COL22A1: variants seen among roughly 807,000 people sequenced by gnomAD.
COL22A1 encodes collagen alpha-1(XXII) chain.
COL22A1 carries 221 observed loss-of-function variants against 248.9 expected under a neutral mutation model. That is an observed-to-expected ratio of 0.89 (90% CI 0.80 to 0.99). The LOEUF (loss-of-function observed/expected upper bound fraction) is 0.99, where lower values mean the gene tolerates loss of function less well. COL22A1 is among the 50% of genes least tolerant of loss of function. The pLI, the probability that COL22A1 is intolerant of heterozygous loss-of-function variation, is 0.00. For synonymous variants in COL22A1, 891 were observed against 793.4 expected, an observed-to-expected ratio of 1.12 and a Z score of -2.07; for missense variants, 2,240 against 2,179.0, an observed-to-expected ratio of 1.03 and a Z score of -0.56.
intron 2 of COL22A1, among the ~76,000 whole-genome samples, chr8:138,878,896 T>C (rs1017621599): frequency 6.6e-6 from 1 of 151,986 alleles, no homozygotes; most frequent in Non-Finnish European, 1.5e-5. Flanking sequence ...TAGTCCCAGC[T>C]ACTCGGGAGG....
At chr8:138,688,801 A>C in intron 37 of COL22A1, 116 bp downstream of exon 37, 35 of 811,932 alleles carry the variant, frequency 4.3e-5, no homozygotes, top group Non-Finnish European at 6.2e-5. Flanking sequence ...CTACTTAGTA[A>C]ACCCCTTCTG....
chr8:138,678,577 T>TG (rs1554744981), intron 40 of COL22A1, among the ~76,000 whole-genome samples: 2 of 149,866 alleles, frequency 1.3e-5, no homozygotes, highest in Non-Finnish European at 3.0e-5. Flanking sequence ...ATAGAGGGAG[T>TG]AAAAAAAAAA....
At chr8:138,689,757 A>C (rs771656706) in intron 36 of COL22A1, among the ~76,000 whole-genome samples, 1 of 152,212 alleles carries the variant, frequency 6.6e-6, no homozygotes, top group Non-Finnish European at 1.5e-5. Flanking sequence ...GAGAACAGGC[A>C]GCAAGAAATA....
chr8:138,650,236 T>C (rs939419191), intron 45 of COL22A1, among the ~76,000 whole-genome samples: 1 of 152,152 alleles, frequency 6.6e-6, no homozygotes, highest in Non-Finnish European at 1.5e-5. Flanking sequence ...GTCAAGTGGT[T>C]TCTGAACAAG....
intron 1 of COL22A1, among the ~76,000 whole-genome samples, chr8:138,908,616 CA>C (rs1279973854): frequency 2.0e-5 from 3 of 152,142 alleles, no homozygotes; most frequent in Non-Finnish European, 4.4e-5. Context: ...TCCTAAGCCC[CA>C]ATGTGTCCAT....
intron 31 of COL22A1, among the ~76,000 whole-genome samples, chr8:138,702,556 C>A (rs1035007779): frequency 6.6e-6 from 1 of 151,660 alleles, no homozygotes; most frequent in East Asian, 1.9e-4. Context: ...TGCAAACTTC[C>A]CTGAAATCAG....
intron 3 of COL22A1, among the ~76,000 whole-genome samples, chr8:138,867,988 C>T (rs949478780): frequency 2.0e-5 from 3 of 152,184 alleles, no homozygotes; most frequent in Admixed American, 2.0e-4. Flanking sequence ...TGGTCTTGAT[C>T]TCCTGACCTC....
rs144811466 is a variant in COL22A1, at chr8:138,902,127, T to C, written c.-73+11492A>G. Among the ~76,000 whole-genome samples, 7 of 152,152 alleles carry C rather than the reference T, an allele frequency of 4.6e-5. No homozygotes were observed. In the South Asian group the frequency reaches 1.2e-3, roughly 27 times the overall value. On this transcript the variant is annotated intron_variant, in intron 1 of 64. Coordinates refer to ENST00000303045, the MANE Select transcript of COL22A1 (RefSeq NM_152888.3). ...TTCCCACCAGATGAGACCTCCCAAG[T>C]TGGGAGAGGTGAGGCGCTCCATGAG... is the stretch of plus-strand genomic sequence containing the variant.
At chr8:138,779,926 C>T (rs1374907054) in intron 13 of COL22A1, among the ~76,000 whole-genome samples, 1 of 152,128 alleles carries the variant, frequency 6.6e-6, no homozygotes, top group Non-Finnish European at 1.5e-5. Flanking sequence ...CCACTGCAGC[C>T]GGTTGTTTTG....
chr8:138,669,508 A>G (rs910224477), intron 41 of COL22A1, among the ~76,000 whole-genome samples: 2 of 152,218 alleles, frequency 1.3e-5, no homozygotes, highest in Non-Finnish European at 2.9e-5. Context: ...CTGGAGCCAC[A>G]GGGACAGCAG....
At chr8:138,666,446 AC>A (rs1824512055) in intron 41 of COL22A1, among the ~76,000 whole-genome samples, 1 of 152,226 alleles carries the variant, frequency 6.6e-6, no homozygotes, top group Non-Finnish European at 1.5e-5. Flanking sequence ...AGATGGAGAA[AC>A]TAAAGCTAAA....
chr8:138,619,991 A>G (rs1163400555), intron 52 of COL22A1: 1 of 174,928 alleles, frequency 5.7e-6, no homozygotes, highest in Non-Finnish European at 1.2e-5. Context: ...TGCTCTTTCC[A>G]GGTCAGCTGC....
At position 138,811,869 on chromosome 8, in the gene COL22A1, G is replaced by A; in HGVS notation, c.1379C>T (p.Pro460Leu). The change falls in exon 9 of 65, where the codon CCT becomes CTT. Residue 460 changes from proline to leucine, a missense_variant. By Grantham distance (98) the Pro-to-Leu change is moderately conservative. Coordinates refer to ENST00000303045, the MANE Select transcript of COL22A1 (RefSeq NM_152888.3). The part of the protein sequence containing the change: ...EPPPPPPPQR[P>L]PTPGSEQIGF... Reference sequence around the variant, plus strand: ...AATCTGTTCACTGCCTGGGGTGGGAGGCCGCTGGGGTGGGGGTGGAGGTGG... The same window carrying A: ...AATCTGTTCACTGCCTGGGGTGGGAAGCCGCTGGGGTGGGGGTGGAGGTGG... The A allele has an allele frequency of 1.9e-6, 3 of 1,593,424 alleles. No homozygotes were observed. Among genetic ancestry groups the A allele is most frequent in the Non-Finnish European group, 2.6e-6 (3 of 1,170,856 alleles).
intron 61 of COL22A1, among the ~76,000 whole-genome samples, chr8:138,597,989 AG>A (rs1358413766): frequency 3.3e-5 from 5 of 152,174 alleles, no homozygotes; most frequent in Admixed American, 6.5e-5. Context: ...AGGGACATGG[AG>A]GTCATCCAGA....
At chr8:138,865,303 G>A (rs944779519) in intron 3 of COL22A1, among the ~76,000 whole-genome samples, 3 of 152,170 alleles carry the variant, frequency 2.0e-5, no homozygotes, top group African/African-American at 7.2e-5. Flanking sequence ...ATCTGAGTAT[G>A]TGTATATAAG....
At chr8:138,702,892 C>G (rs2130991121) in intron 31 of COL22A1, among the ~76,000 whole-genome samples, 1 of 152,220 alleles carries the variant, frequency 6.6e-6, no homozygotes, top group Non-Finnish European at 1.5e-5. Context: ...GCCCTCAAAG[C>G]CCACACTCTT....
In COL22A1 at chr8:138,679,655, C is replaced by G; in HGVS notation, c.3034G>C (p.Gly1012Arg). The change falls in exon 40 of 65, where the codon GGG (glycine) becomes CGG (arginine). Residue 1012 changes from glycine to arginine, a missense_variant. Gly to Arg is a moderately radical substitution (Grantham distance 125, BLOSUM62 -2). Coordinates refer to ENST00000303045, the MANE Select transcript of COL22A1 (RefSeq NM_152888.3). ...CCTCCCAGTGCACAGTTTTCTGACC[C>G]TCTGACTTTTCCGCAAGCAGCCTGA... The part of the protein sequence containing the change: ...GTKAACGKVR[G>R]SENCALGGQC... 1 of 1,614,144 alleles carries G rather than the reference C, an allele frequency of 6.2e-7. No homozygotes were observed. Among genetic ancestry groups the G allele is most frequent in the South Asian group, 1.1e-5 (1 of 91,084 alleles).
intron 47 of COL22A1, among the ~76,000 whole-genome samples, chr8:138,645,953 G>A (rs1293468738): frequency 1.3e-5 from 2 of 152,080 alleles, no homozygotes; most frequent in African/African-American, 2.4e-5. Flanking sequence ...TGAGGGTGTG[G>A]GTCTATCTGT....
At chr8:138,758,014 T>C (rs558056555) in intron 18 of COL22A1, among the ~76,000 whole-genome samples, 1 of 152,304 alleles carries the variant, frequency 6.6e-6, no homozygotes, top group African/African-American at 2.4e-5. Context: ...GATTCGGTGA[T>C]AAAAATGACT....
Sources: gnomAD v4.1 joint callset for allele counts (sites outside exome capture counted in the v4.1 genomes callset) on GRCh38, gnomAD v4.1.1 for gene constraint, MANE v1.5 for transcripts, NCBI Gene and HGNC (gene_info 2026-07-23, HGNC 2026-07-21) for gene names.